ARFGEF3: variants seen among roughly 807,000 people sequenced by gnomAD.
The protein encoded by ARFGEF3 is ARFGEF family member 3.
ARFGEF3 carries 96 observed loss-of-function variants against 221.7 expected under a neutral mutation model. The observed-to-expected ratio is 0.43, with a 90% CI of 0.37 to 0.51. ARFGEF3 has a LOEUF of 0.51. ARFGEF3 is among the 20% of genes least tolerant of loss of function. The probability of loss-of-function intolerance (pLI) is 0.00; values close to 1 mark genes in which losing one functional copy is unlikely to be tolerated. For synonymous variants in ARFGEF3, 1,145 were observed against 1,126.8 expected, an observed-to-expected ratio of 1.02 and a Z score of -0.32; for missense variants, 2,410 against 2,789.9, an observed-to-expected ratio of 0.86 and a Z score of 3.07.
Position 138,286,650 on chromosome 6 carries a change from G to T in ARFGEF3, c.2570-51G>T, listed in dbSNP as rs1022757794. ...GCAAGAGAATGTGATGTCATTCATT[G>T]CCAGGTTGTTTTTGTCTCTAGAAAA... On this transcript the variant is annotated intron_variant, in intron 15 of 33. Transcript: ENST00000251691. 4 of 1,473,902 alleles carry T rather than the reference G, an allele frequency of 2.7e-6. No homozygotes were observed. In the African/African-American group the frequency reaches 5.5e-5, roughly 20 times the overall value. The allele number at this position is 1,473,902 out of a possible 1,614,324, so 91.3% of individuals were successfully genotyped here.
Position 138,296,237 on chromosome 6 carries a change from A to G in ARFGEF3, c.3503-573A>G, listed in dbSNP as rs536345724. On this transcript the variant is annotated intron_variant, in intron 20 of 33. Transcript: ENST00000251691. ...GCAGGGGGACCAGGCCTGCTTGGCA[A>G]AGGCTGCAGAGGTTTATTAAGGATT... 7.2e-5 allele frequency among the ~76,000 whole-genome samples: 11 copies of G among 152,314 alleles called. No individual in the cohort carries two copies. In the South Asian group the frequency reaches 2.3e-3, roughly 32 times the overall value.
chr6:138,196,830 T>TTTCA (rs1554249260), intron 2 of ARFGEF3, among the ~76,000 whole-genome samples: 1 of 152,146 alleles, frequency 6.6e-6, no homozygotes, highest in Non-Finnish European at 1.5e-5. Context: ...TTCTTTTTCT[T>TTTCA]TTTATTTATT....
At chr6:138,279,908 C>G in intron 13 of ARFGEF3, 91 bp from the exon 14 acceptor site, 1 of 1,294,864 alleles carries the variant, frequency 7.7e-7, no homozygotes. Flanking sequence ...TAGTTCAGGG[C>G]TCTGTGACGT....
chr6:138,292,532 G>A (rs924334793), intron 19 of ARFGEF3, among the ~76,000 whole-genome samples: 2 of 152,282 alleles, frequency 1.3e-5, no homozygotes, highest in Admixed American at 6.5e-5. Context: ...AGGGTGAAGA[G>A]GGAAAATCAC....
intron 2 of ARFGEF3, among the ~76,000 whole-genome samples, chr6:138,191,953 T>A (rs1166843222): frequency 6.6e-6 from 1 of 152,216 alleles, no homozygotes; most frequent in Non-Finnish European, 1.5e-5. Context: ...GCAACTGTGA[T>A]AATCAGAAAG....
intron 25 of ARFGEF3, among the ~76,000 whole-genome samples, chr6:138,312,097 A>G (rs1779840422): frequency 2.0e-5 from 3 of 152,168 alleles, no homozygotes; most frequent in African/African-American, 4.8e-5. Flanking sequence ...TGTAGGTTGC[A>G]GTGAACTGAG....
At chr6:138,164,341 T>C (rs1292129663) in intron 1 of ARFGEF3, among the ~76,000 whole-genome samples, 1 of 152,240 alleles carries the variant, frequency 6.6e-6, no homozygotes, top group African/African-American at 2.4e-5. Context: ...GGCAGTCAGC[T>C]GCAGCACTTT....
chr6:138,262,610 G>A (rs764062943), intron 11 of ARFGEF3, 91 bp from the exon 12 acceptor site: 14 of 1,263,376 alleles, frequency 1.1e-5, no homozygotes, highest in Non-Finnish European at 1.5e-5. Context: ...TGAATACTTT[G>A]CTGTTTGCCA....
At chr6:138,335,976 G>A (rs1256648105) in intron 33 of ARFGEF3, among the ~76,000 whole-genome samples, 1 of 151,892 alleles carries the variant, frequency 6.6e-6, no homozygotes, top group Admixed American at 6.6e-5. Context: ...AACGGCCTGT[G>A]GAGATCTCAC....
intron 4 of ARFGEF3, 32 bp from the exon 5 acceptor site, chr6:138,229,752 T>C (rs1448016300): frequency 1.3e-6 from 2 of 1,558,642 alleles, no homozygotes; most frequent in African/African-American, 1.4e-5. Context: ...GTTAACCCCT[T>C]GTCTCTTCTT....
intron 29 of ARFGEF3, among the ~76,000 whole-genome samples, chr6:138,322,725 G>T (rs1259587655): frequency 6.6e-6 from 1 of 150,944 alleles, no homozygotes; most frequent in South Asian, 2.1e-4. Context: ...AACCCGGGAG[G>T]CAGAGGTTGC....
chr6:138,228,849 C>T (rs1007902813), intron 4 of ARFGEF3, among the ~76,000 whole-genome samples: 1 of 152,226 alleles, frequency 6.6e-6, no homozygotes, highest in African/African-American at 2.4e-5. Context: ...CAGGGCATGG[C>T]TGTGGGGTTT....
Position 138,334,447 on chromosome 6 carries a change from C to G in ARFGEF3, c.5601C>G (p.Ala1867=). The G allele has an allele frequency of 6.2e-7, 1 of 1,611,274 alleles. No individual in the cohort carries two copies. The highest frequency in any genetic ancestry group is 1.1e-5 in the South Asian group (1 of 90,482). ...SEDEDIFEET[A]QVSPPRGKEK... is the part of the protein sequence containing the mutation. The stretch of plus-strand genomic sequence containing the variant: ...ATGAAGACATCTTTGAGGAAACCGC[C>G]CAGGTCAGCCCCCCGAGAGGCAAGG... The change falls in exon 33 of 34, where the codon GCC becomes GCG. Residue 1867 remains alanine, a synonymous_variant. Coordinates refer to ENST00000251691, the MANE Select transcript of ARFGEF3 (RefSeq NM_020340.5). The surrounding 1 kb of genome is among the most constrained non-coding windows in gnomAD (Gnocchi z 5.1).
chr6:138,163,362 A>G (rs960995549), intron 1 of ARFGEF3, among the ~76,000 whole-genome samples: 2 of 152,186 alleles, frequency 1.3e-5, no homozygotes, highest in African/African-American at 4.8e-5. Context: ...TTAAAGAAAA[A>G]TGGACCAGAA....
chr6:138,307,227 A>G, intron 22 of ARFGEF3, 26 bp from the exon 23 acceptor site: 6 of 1,610,394 alleles, frequency 3.7e-6, no homozygotes, highest in Non-Finnish European at 5.1e-6. Flanking sequence ...GAGGGCTTTA[A>G]GTGCCACTTG....
chr6:138,187,964 A>G (rs941391192), intron 2 of ARFGEF3, among the ~76,000 whole-genome samples: 2 of 152,200 alleles, frequency 1.3e-5, no homozygotes, highest in Admixed American at 6.5e-5. Context: ...GGTTTAATCT[A>G]GGGAAAGGAA....
chr6:138,216,938 T>G (rs1189190430), intron 4 of ARFGEF3: 1 of 152,206 alleles, frequency 6.6e-6, no homozygotes, highest in Non-Finnish European at 1.5e-5. Flanking sequence ...TAAGGTTGAG[T>G]GATGAGAATC....
In ARFGEF3 at chr6:138,293,988, T is replaced by A. The variant is rs201077197; in HGVS notation, c.3369-5T>A. 320 of 1,612,942 alleles carry A rather than the reference T, an allele frequency of 2.0e-4. No individual in the cohort carries two copies. Among genetic ancestry groups the A allele is most frequent in the Non-Finnish European group, 2.5e-4 (300 of 1,179,614 alleles). Reference sequence around the variant, plus strand: ...AAGAACACATCTCTTTCTGTTTGCATCCAGGCTCTTTGAAGATGCTACGGA... The same window carrying A: ...AAGAACACATCTCTTTCTGTTTGCAACCAGGCTCTTTGAAGATGCTACGGA... On this transcript the variant is annotated splice_region_variant and splice_polypyrimidine_tract_variant and intron_variant, in intron 19 of 33. Transcript: ENST00000251691.
At chr6:138,274,872 C>T (rs1414780852) in intron 12 of ARFGEF3, among the ~76,000 whole-genome samples, 1 of 150,650 alleles carries the variant, frequency 6.6e-6, no homozygotes, top group African/African-American at 2.5e-5. Context: ...CTTTGGGAGG[C>T]TGAGGCGGGC....
Sources: gnomAD v4.1 joint callset for allele counts (sites outside exome capture counted in the v4.1 genomes callset) on GRCh38, gnomAD v4.1.1 for gene constraint, Gnocchi (gnomAD v3.1) non-coding constraint, MANE v1.5 for transcripts, NCBI Gene and HGNC (gene_info 2026-07-23, HGNC 2026-07-21) for gene names.